RASSF3: variants seen among roughly 807,000 people sequenced by gnomAD.
RASSF3 encodes Ras association domain family member 3.
Under a neutral mutation model 19.9 loss-of-function variants are expected in RASSF3, and 19 were observed. The ratio of observed to expected loss-of-function variants is 0.96; its 90% CI spans 0.67 to 1.40. RASSF3 has a LOEUF of 1.40. RASSF3 is among the 40% of genes most tolerant of loss of function. RASSF3 has a pLI of 0.00. For synonymous variants in RASSF3, 110 were observed against 104.2 expected, an observed-to-expected ratio of 1.06 and a Z score of -0.34; for missense variants, 306 against 289.8, an observed-to-expected ratio of 1.06 and a Z score of -0.41.
rs148290372 is a variant in RASSF3, at chr12:64,666,862, T to A, written c.112-17925T>A. ...TATTGAATGCCAAAATTGGTTCATT[T>A]ACTAAGCAGAAAGAAAGGAAAATAT... is the stretch of plus-strand genomic sequence containing the variant. On this transcript the variant is annotated intron_variant, in intron 1 of 4. Transcript: ENST00000542104. Among the ~76,000 whole-genome samples the A allele has an allele frequency of 1.6e-3, 243 of 152,352 alleles. 1 individual carries two copies. Among genetic ancestry groups the A allele is most frequent in the African/African-American group, 5.5e-3 (228 of 41,582 alleles).
intron 1 of RASSF3, among the ~76,000 whole-genome samples, chr12:64,660,012 A>G (rs1443967679): frequency 8.8e-6 from 1 of 113,936 alleles, no homozygotes; most frequent in African/African-American, 4.3e-5. Context: ...GCGTGTATAT[A>G]TATGTGTGTG....
intron 1 of RASSF3, among the ~76,000 whole-genome samples, chr12:64,653,303 T>G (rs1872030798): frequency 6.6e-6 from 1 of 152,136 alleles, no homozygotes. Context: ...TGGTCTCAAA[T>G]TCCTGACCTC....
intron 1 of RASSF3, among the ~76,000 whole-genome samples, chr12:64,646,403 TC>T (rs1429442980): frequency 6.6e-6 from 1 of 152,194 alleles, no homozygotes; most frequent in Admixed American, 6.5e-5. Context: ...AATTGTGTCT[TC>T]AAGTAGGAAG....
chr12:64,675,306 T>C (rs980687805), intron 1 of RASSF3, among the ~76,000 whole-genome samples: 3 of 152,174 alleles, frequency 2.0e-5, no homozygotes, highest in African/African-American at 7.2e-5. Context: ...TTAACTGGTT[T>C]ATTTTTTAAT....
At chr12:64,517,340 G>T (rs564518010) in intron 1 of RASSF3, among the ~76,000 whole-genome samples, 1 of 150,604 alleles carries the variant, frequency 6.6e-6, no homozygotes, top group Non-Finnish European at 1.5e-5. Context: ...ATCTTGATGT[G>T]GTCACAATTA....
At chr12:64,584,988 C>A (rs925932777) in intron 2 of RASSF3, among the ~76,000 whole-genome samples, 1 of 144,774 alleles carries the variant, frequency 6.9e-6, no homozygotes, top group Non-Finnish European at 1.5e-5. Context: ...CAGGTTCAAG[C>A]GATTCTCCTG....
intron 2 of RASSF3, among the ~76,000 whole-genome samples, chr12:64,574,638 C>T (rs1388134029): frequency 6.6e-6 from 1 of 152,106 alleles, no homozygotes; most frequent in East Asian, 1.9e-4. Flanking sequence ...CTACTCTTTA[C>T]CATGAAAAGA....
At chr12:64,669,545 T>A (rs1328424180) in intron 1 of RASSF3, among the ~76,000 whole-genome samples, 4 of 152,176 alleles carry the variant, frequency 2.6e-5, no homozygotes, top group Admixed American at 6.5e-5. Context: ...CCTAGACTTG[T>A]AATGCTAAGG....
At chr12:64,614,029 C>T (rs1011616498) in intron 1 of RASSF3, among the ~76,000 whole-genome samples, 4 of 152,056 alleles carry the variant, frequency 2.6e-5, no homozygotes, top group African/African-American at 9.7e-5. Context: ...TTATTGTATC[C>T]GCAGGGTCTC....
chr12:64,577,221 G>A (rs1169732913), intron 2 of RASSF3, among the ~76,000 whole-genome samples: 1 of 152,188 alleles, frequency 6.6e-6, no homozygotes, highest in Non-Finnish European at 1.5e-5. Flanking sequence ...GTGATGGCAG[G>A]AATTCTGGCT....
At chr12:64,544,657 C>G (rs1440654051), downstream of RASSF3, among the ~76,000 whole-genome samples, 1 of 151,984 alleles carries the variant, frequency 6.6e-6, no homozygotes, top group East Asian at 1.9e-4. Context: ...TTTGGGGGCA[C>G]TTGCATTAAA....
intron 2 of RASSF3, among the ~76,000 whole-genome samples, chr12:64,573,321 A>G (rs1021035720): frequency 1.5e-4 from 23 of 152,326 alleles, no homozygotes; most frequent in African/African-American, 5.3e-4. Context: ...AAAAACAAAC[A>G]AACAAAAACA....
At chr12:64,532,650 C>T (rs988481777), upstream of RASSF3, among the ~76,000 whole-genome samples, 6 of 151,116 alleles carry the variant, frequency 4.0e-5, no homozygotes, top group South Asian at 4.2e-4. Context: ...TAGGGAGACC[C>T]GATTTCTACC....
chr12:64,639,353 C>G (rs1871431240), intron 1 of RASSF3, among the ~76,000 whole-genome samples: 1 of 147,536 alleles, frequency 6.8e-6, no homozygotes, highest in Non-Finnish European at 1.5e-5. Flanking sequence ...AAAGAAATTC[C>G]TAAACTGTAT....
In RASSF3 at chr12:64,691,593, C is replaced by A; in HGVS notation, c.567+14C>A. On this transcript the variant is annotated intron_variant, in intron 4 of 4. Transcript: ENST00000542104. ...GAAATTGGAGAGGTAAGTTATTGTT[C>A]ACTATTGCTTTAAACTATACAGAAC... 4 of 1,529,292 alleles carry A rather than the reference C, an allele frequency of 2.6e-6. No individual in the cohort carries two copies. Among genetic ancestry groups the A allele is most frequent in the Non-Finnish European group, 3.6e-6 (4 of 1,103,804 alleles). The allele number at this position is 1,529,292 out of a possible 1,614,324, so 94.7% of individuals were successfully genotyped here.
chr12:64,682,438 G>A (rs557836033), intron 1 of RASSF3, among the ~76,000 whole-genome samples: 23 of 152,030 alleles, frequency 1.5e-4, no homozygotes, highest in Middle Eastern at 3.4e-3. Context: ...GTGGTGGCGG[G>A]CGCCTGTAGT....
intron 1 of RASSF3, among the ~76,000 whole-genome samples, chr12:64,674,628 G>A (rs923786001): frequency 2.0e-5 from 3 of 152,188 alleles, no homozygotes; most frequent in East Asian, 1.9e-4. Flanking sequence ...GGAAGCAAAA[G>A]TATGCACAGG....
In RASSF3 at chr12:64,563,528, A is replaced by T. The variant is rs74234972; in HGVS notation, c.294+21823A>T. ...CTGATGTTAAAATCCCTACTTCCCTAAAGTAAAATCCACATGCTTTACCAA... is the reference window on the plus strand; with the variant it reads ...CTGATGTTAAAATCCCTACTTCCCTTAAGTAAAATCCACATGCTTTACCAA... On this transcript the variant is annotated intron_variant, in intron 2 of 5. Transcript: ENST00000637125. Among the ~76,000 whole-genome samples the T allele has an allele frequency of 1.5e-3, 223 of 152,280 alleles. 3 individuals carry two copies. The East Asian group carries it at 0.038, about 26-fold the overall frequency.
chr12:64,653,569 CT>C (rs553892821), intron 1 of RASSF3, among the ~76,000 whole-genome samples: 218 of 145,512 alleles, frequency 1.5e-3, no homozygotes, highest in Admixed American at 1.6e-3. Context: ...TCAGCAGTAT[CT>C]TTTTTTTTTT....
Sources: allele counts gnomAD v4.1 joint callset (sites outside exome capture counted in the v4.1 genomes callset), GRCh38; gene constraint gnomAD v4.1.1; transcripts MANE v1.5; gene names NCBI Gene and HGNC (gene_info 2026-07-23, HGNC 2026-07-21).